The following RGS22 variants were observed in gnomAD, a reference collection of about 807,000 sequenced individuals.
The protein encoded by RGS22 is regulator of G-protein signaling 22.
A neutral mutation model predicts 172.9 loss-of-function variants in RGS22; 148 were observed. The ratio of observed to expected loss-of-function variants is 0.86; its 90% confidence interval spans 0.75 to 0.98. The LOEUF is 0.98. Ranked by LOEUF, RGS22 falls within the 50% of genes least tolerant of loss-of-function variation. RGS22 has a pLI of 0.00. For synonymous variants in RGS22, 458 were observed against 480.2 expected (o/e 0.95, Z 0.60); for missense variants, 1,347 against 1,440.8 (o/e 0.93, Z 1.05).
chr8:100,052,042 AATGTTTATATATATTTATATATTT>A (rs1821627709), intron 10 of RGS22, among the ~76,000 whole-genome samples: 13 of 90,094 alleles, frequency 1.4e-4, no homozygotes, highest in African/African-American at 4.5e-4. Context: ...TTTATATATA[AATGTTTATATATATTTATATATTT>A]ATATATAAAT....
At chr8:99,988,644 G>A (rs1350285423) in intron 20 of RGS22, among the ~76,000 whole-genome samples, 1 of 152,146 alleles carries the variant, frequency 6.6e-6, no homozygotes, top group African/African-American at 2.4e-5. Context: ...TTTAAAAAGT[G>A]CCATGGTAAC....
At chr8:100,079,259 C>T (rs1811577499) in intron 4 of RGS22, among the ~76,000 whole-genome samples, 1 of 152,140 alleles carries the variant, frequency 6.6e-6, no homozygotes, top group Non-Finnish European at 1.5e-5. Context: ...TATCCTTGTT[C>T]TGGCTTCGAA....
At chr8:100,028,455 CA>C (rs201672610) in intron 14 of RGS22, among the ~76,000 whole-genome samples, 28,206 of 91,750 alleles carry the variant, frequency 0.31, 2,722 homozygotes, top group African/African-American at 0.4. Flanking sequence ...ACCTAGGAGA[CA>C]AAAAAAAAAA....
intron 4 of RGS22, among the ~76,000 whole-genome samples, chr8:100,074,901 G>A (rs988901159): frequency 2.0e-5 from 3 of 152,014 alleles, no homozygotes; most frequent in Admixed American, 6.6e-5. Flanking sequence ...CCGAGTAGCT[G>A]GGACCACAGG....
Position 100,064,013 on chromosome 8 carries a change from G to A in RGS22, c.755C>T (p.Pro252Leu). The A allele has an allele frequency of 6.6e-7, 1 of 1,522,658 alleles. No individual in the cohort carries two copies. 94.3% of individuals were successfully genotyped at this position (1,522,658 alleles called of 1,614,324 possible). ...ENFIFDDGVHPRTKKDPSKTN... is the reference protein window; with the variant it reads ...ENFIFDDGVHLRTKKDPSKTN... The stretch of plus-strand genomic sequence containing the variant: ...TTTAGATGGGTCCTTTTTTGTCCTA[G>A]GGTGAACTCCATCATCAAAGATAAA... Residue 252 changes from proline to leucine, a missense_variant, in exon 8 of 28, where the codon CCT becomes CTT. Pro to Leu is a moderately conservative substitution (Grantham distance 98). Transcript: ENST00000360863.
intron 20 of RGS22, among the ~76,000 whole-genome samples, chr8:99,988,208 T>C (rs953697688): frequency 6.6e-6 from 1 of 151,626 alleles, no homozygotes; most frequent in Non-Finnish European, 1.5e-5. Context: ...AAAATAATGA[T>C]AACAAATAAT....
intron 9 of RGS22, among the ~76,000 whole-genome samples, chr8:100,053,599 T>A (rs547401217): frequency 1.3e-5 from 2 of 152,350 alleles, no homozygotes; most frequent in South Asian, 4.1e-4. Context: ...CATTTATCTA[T>A]AATAAAAATT....
At chr8:99,972,425 T>C (rs1811461164) in intron 23 of RGS22, among the ~76,000 whole-genome samples, 1 of 152,118 alleles carries the variant, frequency 6.6e-6, no homozygotes, top group Non-Finnish European at 1.5e-5. Context: ...CTAAAGAGCT[T>C]CTGCACAGCA....
chr8:100,052,791 G>A lies in RGS22; in HGVS notation c.1689+11C>T. On this transcript the variant is annotated intron_variant, in intron 10 of 27. Transcript: ENST00000360863. ...ACTTAGTAGAGATCACAGCATGAAT[G>A]TACACCCTACCTGGATCTCAGGTAT... 6.2e-7 allele frequency: 1 copy of A among 1,611,852 alleles called. No homozygotes were observed. The highest frequency in any genetic ancestry group is 1.3e-5 in the African/African-American group (1 of 74,984).
chr8:99,963,507 C>A (rs1336296387), intron 24 of RGS22, among the ~76,000 whole-genome samples: 1 of 152,100 alleles, frequency 6.6e-6, no homozygotes, highest in African/African-American at 2.4e-5. Context: ...CATTATAATT[C>A]TTCAATGTGC....
chr8:100,036,349 G>T (rs572584636), intron 14 of RGS22, among the ~76,000 whole-genome samples: 1 of 152,092 alleles, frequency 6.6e-6, no homozygotes, highest in African/African-American at 2.4e-5. Flanking sequence ...GAAGCCATGT[G>T]GTGAAATCTT....
Position 100,002,268 on chromosome 8 carries a change from G to A in RGS22, c.2724C>T (p.Asn908=). The A allele has an allele frequency of 6.2e-7, 1 of 1,610,450 alleles. No homozygotes were observed. Among genetic ancestry groups the A allele is most frequent in the Non-Finnish European group, 8.5e-7 (1 of 1,178,250 alleles). ...QRKAKSIYIK[N]KYLNKKYFFG... Reference sequence around the variant, plus strand: ...AGAAATATTTTTTATTAAGGTATTTGTTTTTAATGTATATAGATTTTGCCT... The same window carrying A: ...AGAAATATTTTTTATTAAGGTATTTATTTTTAATGTATATAGATTTTGCCT... Residue 908 remains asparagine, a synonymous_variant, in exon 18 of 28, where the codon AAC becomes AAT. Transcript: ENST00000360863.
At chr8:100,091,336 G>A (rs1812572050) in intron 3 of RGS22, among the ~76,000 whole-genome samples, 2 of 151,530 alleles carry the variant, frequency 1.3e-5, no homozygotes, top group Admixed American at 6.6e-5. Flanking sequence ...GAAGGATTTG[G>A]AGAGATGGAA....
chr8:99,989,861 C>CAGAT (rs58327517), intron 20 of RGS22, among the ~76,000 whole-genome samples: 51,660 of 146,256 alleles, frequency 0.35, 9,301 homozygotes, highest in Admixed American at 0.4. Flanking sequence ...GATAGACAGA[C>CAGAT]AGATAGATAG....
rs752527585 is a variant in RGS22 at position 100,002,305 on chromosome 8, C to T, written c.2687G>A (p.Arg896Gln). Residue 896 changes from arginine to glutamine, a missense_variant, in exon 18 of 28, where the codon CGA becomes CAA. Physicochemically the swap from Arg to Gln is conservative, Grantham distance 43. Transcript: ENST00000360863. ...EQFRRITYRD[R>Q]NQRKAKSIYI... Reference sequence around the variant, plus strand: ...TATAGATTTTGCCTTCCTTTGATTTCGATCTCTGTAAGTTATTCTCCGGAA... The same window carrying T: ...TATAGATTTTGCCTTCCTTTGATTTTGATCTCTGTAAGTTATTCTCCGGAA... 38 of 1,611,386 alleles carry T rather than the reference C, an allele frequency of 2.4e-5. No homozygotes were observed. The highest frequency in any genetic ancestry group is 1.9e-4 in the South Asian group (17 of 90,620).
intron 23 of RGS22, among the ~76,000 whole-genome samples, chr8:99,974,593 T>C (rs1406703347): frequency 7.1e-6 from 1 of 140,146 alleles, no homozygotes; most frequent in Non-Finnish European, 1.6e-5. Context: ...AGGTCAGGAG[T>C]TCGAGACCAG....
At chr8:100,059,451 A>G (rs1428728521) in intron 9 of RGS22, among the ~76,000 whole-genome samples, 1 of 151,808 alleles carries the variant, frequency 6.6e-6, no homozygotes, top group Non-Finnish European at 1.5e-5. Context: ...AACATGTTCC[A>G]TGTCAATGGA....
At chr8:100,028,940 C>T (rs1223801293) in intron 14 of RGS22, among the ~76,000 whole-genome samples, 1 of 152,146 alleles carries the variant, frequency 6.6e-6, no homozygotes, top group Non-Finnish European at 1.5e-5. Context: ...TATGTGGTTA[C>T]ATTACATAAG....
chr8:100,089,852 T>C (rs976995931), intron 3 of RGS22, among the ~76,000 whole-genome samples: 4 of 152,136 alleles, frequency 2.6e-5, no homozygotes, highest in Non-Finnish European at 2.9e-5. Context: ...GCCAGTTCTA[T>C]AGACATCATA....
Sources: gnomAD v4.1 joint callset for allele counts (sites outside exome capture counted in the v4.1 genomes callset) on GRCh38, gnomAD v4.1.1 for gene constraint, MANE v1.5 for transcripts, NCBI Gene and HGNC (gene_info 2026-07-23, HGNC 2026-07-21) for gene names.